HS3ST4: variants seen among roughly 807,000 people sequenced by gnomAD.
HS3ST4 encodes the protein heparan sulfate glucosamine 3-O-sulfotransferase 4.
HS3ST4 carries 17 observed loss-of-function variants against 29.2 expected under a neutral mutation model. The ratio of observed to expected loss-of-function variants is 0.58; its 90% CI spans 0.40 to 0.87. The LOEUF (loss-of-function observed/expected upper bound fraction) is 0.87, where lower values mean the gene tolerates loss of function less well. Ranked by LOEUF, HS3ST4 falls within the 40% of genes least tolerant of loss-of-function variation. The pLI, the probability that HS3ST4 is intolerant of heterozygous loss-of-function variation, is 0.00. For synonymous variants in HS3ST4, 314 were observed against 285.7 expected (o/e 1.10, Z -1.00); for missense variants, 627 against 634.5 (o/e 0.99, Z 0.13).
At chr16:25,868,882 G>A (rs1463779177) in intron 1 of HS3ST4, among the ~76,000 whole-genome samples, 1 of 152,124 alleles carries the variant, frequency 6.6e-6, no homozygotes, top group Non-Finnish European at 1.5e-5. Flanking sequence ...GAGGTTCCCT[G>A]GTAGGATGAT....
chr16:25,883,536 G>A (rs188396119), intron 1 of HS3ST4, among the ~76,000 whole-genome samples: 1 of 152,200 alleles, frequency 6.6e-6, no homozygotes, highest in East Asian at 1.9e-4. Context: ...AACAGGAAAG[G>A]GCTCAGAATT....
At chr16:25,717,256 G>T (rs913135497) in intron 1 of HS3ST4, among the ~76,000 whole-genome samples, 1 of 152,164 alleles carries the variant, frequency 6.6e-6, no homozygotes, top group African/African-American at 2.4e-5. Context: ...GTACGCAGAA[G>T]CAATGGATTC....
intron 1 of HS3ST4, among the ~76,000 whole-genome samples, chr16:26,038,491 A>C (rs1969605265): frequency 1.3e-5 from 2 of 151,948 alleles, no homozygotes; most frequent in African/African-American, 4.8e-5. Context: ...TACTGCAAGC[A>C]CCTAGAAGGG....
intron 1 of HS3ST4, among the ~76,000 whole-genome samples, chr16:25,737,375 C>A (rs74967377): frequency 2.5e-3 from 2 of 794 alleles, no homozygotes; most frequent in South Asian, 0.077. Context: ...CACACACAAA[C>A]ACACACACAC....
intron 1 of HS3ST4, among the ~76,000 whole-genome samples, chr16:25,872,436 G>A (rs564027252): frequency 1.6e-4 from 24 of 152,278 alleles, no homozygotes; most frequent in Admixed American, 3.3e-4. Flanking sequence ...TCTTCTGTTT[G>A]TGGGCAGACT....
intron 1 of HS3ST4, among the ~76,000 whole-genome samples, chr16:26,006,065 G>A (rs1175069825): frequency 6.6e-6 from 1 of 152,082 alleles, no homozygotes; most frequent in African/African-American, 2.4e-5. Context: ...TTGGGAGGCT[G>A]AGGTATGTGA....
intron 1 of HS3ST4, among the ~76,000 whole-genome samples, chr16:25,879,619 A>C (rs575802990): frequency 6.6e-6 from 1 of 152,156 alleles, no homozygotes; most frequent in Admixed American, 6.5e-5. Context: ...TGTGGGAATT[A>C]TGGGAGCTAC....
intron 1 of HS3ST4, among the ~76,000 whole-genome samples, chr16:25,714,215 A>G (rs1966436443): frequency 1.3e-5 from 2 of 152,188 alleles, no homozygotes; most frequent in Admixed American, 1.3e-4. Flanking sequence ...TAACAAATAC[A>G]TGAAAATAAA....
chr16:25,745,176 A>G (rs1966678121), intron 1 of HS3ST4, among the ~76,000 whole-genome samples: 1 of 152,110 alleles, frequency 6.6e-6, no homozygotes. Context: ...GTAATTACAT[A>G]CCCAGATAAA....
intron 1 of HS3ST4, among the ~76,000 whole-genome samples, chr16:26,002,432 G>T (rs1969219775): frequency 1.3e-5 from 2 of 152,100 alleles, no homozygotes; most frequent in South Asian, 4.1e-4. Context: ...GTTGGACCAA[G>T]TTCTAGTTTG....
At chr16:25,765,681 G>GCTTAACTT (rs1158669680) in intron 1 of HS3ST4, among the ~76,000 whole-genome samples, 4 of 152,148 alleles carry the variant, frequency 2.6e-5, no homozygotes, top group African/African-American at 9.7e-5. Flanking sequence ...AGTCCCAGGG[G>GCTTAACTT]AGCACCCTCA....
At chr16:26,135,499 A>G (rs146117125) in intron 1 of HS3ST4, 113 bp from the exon 2 acceptor site, 194 of 1,045,954 alleles carry the variant, frequency 1.9e-4, no homozygotes, top group African/African-American at 1.4e-3. Context: ...GAGTTTATCA[A>G]TTTTATTTGG....
chr16:25,966,150 A>G (rs549664449), intron 1 of HS3ST4, among the ~76,000 whole-genome samples: 1 of 152,302 alleles, frequency 6.6e-6, no homozygotes, highest in African/African-American at 2.4e-5. Context: ...TCTACTTCAC[A>G]GGTGTAGCAA....
chr16:26,003,442 A>G (rs1567291496), intron 1 of HS3ST4, among the ~76,000 whole-genome samples: 1 of 152,162 alleles, frequency 6.6e-6, no homozygotes, highest in Non-Finnish European at 1.5e-5. Context: ...TACTCGAGGA[A>G]TGTCTATCAC....
chr16:25,823,695 G>A (rs1967186097), intron 1 of HS3ST4, among the ~76,000 whole-genome samples: 1 of 152,042 alleles, frequency 6.6e-6, no homozygotes, highest in South Asian at 2.1e-4. Flanking sequence ...TGAATACCTG[G>A]GATTACAGGC....
chr16:25,709,791 A>G (rs545179732), intron 1 of HS3ST4, among the ~76,000 whole-genome samples: 3 of 152,298 alleles, frequency 2.0e-5, no homozygotes, highest in East Asian at 3.9e-4. Context: ...AAAAGTATCT[A>G]TGGAATCTGC....
At chr16:25,693,489 G>T (rs1966272495) in intron 1 of HS3ST4, among the ~76,000 whole-genome samples, 1 of 152,188 alleles carries the variant, frequency 6.6e-6, no homozygotes, top group African/African-American at 2.4e-5. Flanking sequence ...CCAGGCTCTT[G>T]CGGGGTTCTG....
At chr16:26,079,479 TAAC>T (rs1369022276) in intron 1 of HS3ST4, among the ~76,000 whole-genome samples, 1 of 152,194 alleles carries the variant, frequency 6.6e-6, no homozygotes. Context: ...ACGATAATAA[TAAC>T]AACAGCAAAC....
intron 1 of HS3ST4, among the ~76,000 whole-genome samples, chr16:25,863,296 T>G (rs1227237075): frequency 1.3e-5 from 2 of 152,150 alleles, no homozygotes; most frequent in Non-Finnish European, 2.9e-5. Flanking sequence ...TTGGCCAGGA[T>G]GATCTCAATC....
Sources: allele counts gnomAD v4.1 joint callset (sites outside exome capture counted in the v4.1 genomes callset), GRCh38; gene constraint gnomAD v4.1.1; transcripts MANE v1.5; gene names NCBI Gene and HGNC (gene_info 2026-07-23, HGNC 2026-07-21).